ARHGAP28: variants seen among roughly 807,000 people sequenced by gnomAD.
ARHGAP28 encodes Rho GTPase activating protein 28.
Under a neutral mutation model 90.7 loss-of-function variants are expected in ARHGAP28, and 56 were observed. The observed-to-expected ratio is 0.62, with a 90% CI of 0.50 to 0.77. The LOEUF is 0.77. Among genes scored for constraint, ARHGAP28 ranks in the 30% least tolerant of loss-of-function variants. The probability of loss-of-function intolerance (pLI) is 0.00; values close to 1 mark genes in which losing one functional copy is unlikely to be tolerated. For synonymous variants in ARHGAP28, 308 were observed against 323.3 expected, an observed-to-expected ratio of 0.95 and a Z score of 0.51; for missense variants, 869 against 900.9, an observed-to-expected ratio of 0.96 and a Z score of 0.45.
At chr18:6,894,548 A>C (rs1190901674) in intron 14 of ARHGAP28, among the ~76,000 whole-genome samples, 1 of 152,224 alleles carries the variant, frequency 6.6e-6, no homozygotes, top group East Asian at 1.9e-4. Context: ...GACACACAAT[A>C]AGTTATTTCA....
At chr18:6,892,868 C>T (rs1434871421) in intron 14 of ARHGAP28, among the ~76,000 whole-genome samples, 8 of 152,226 alleles carry the variant, frequency 5.3e-5, no homozygotes, top group Non-Finnish European at 1.2e-4. Context: ...ACCTTTAGCA[C>T]TCAGCCAAGC....
rs561889141 is a variant in ARHGAP28, at chr18:6,888,616, C to T, written c.1537-1272C>T. 3.9e-5 allele frequency among the ~76,000 whole-genome samples: 6 copies of T among 152,110 alleles called. No individual in the cohort carries two copies. The South Asian group carries it at 6.2e-4, about 16-fold the overall frequency. On this transcript the variant is annotated intron_variant, in intron 12 of 17. Transcript: ENST00000383472. ...CTGAAAATTTATTAGCTTGTTTTTT[C>T]GCTTTGTCTACAGAGTGTTCTTTTA...
At chr18:6,840,641 A>C (rs893423252) in intron 3 of ARHGAP28, among the ~76,000 whole-genome samples, 5 of 152,192 alleles carry the variant, frequency 3.3e-5, no homozygotes, top group African/African-American at 1.2e-4. Flanking sequence ...GGAATGGCCC[A>C]GGGTTCTTCC....
At chr18:6,899,782 C>T (rs567182240) in intron 16 of ARHGAP28, among the ~76,000 whole-genome samples, 13 of 152,044 alleles carry the variant, frequency 8.6e-5, no homozygotes, top group Non-Finnish European at 1.9e-4. Flanking sequence ...GGAGCTGAGC[C>T]TCTTCCCCCA....
Position 6,763,452 on chromosome 18 carries a change from G to A in ARHGAP28, c.122+33509G>A, listed in dbSNP as rs570841105. On this transcript the variant is annotated intron_variant, in intron 1 of 17. Coordinates refer to ENST00000383472, the MANE Select transcript of ARHGAP28 (RefSeq NM_001366230.1). ...GGGGAAAAGAGGAGTTGCCAGACATGTACAGATGACCCAATCTTTTTCCTC... is the reference window on the plus strand; with the variant it reads ...GGGGAAAAGAGGAGTTGCCAGACATATACAGATGACCCAATCTTTTTCCTC... Among the ~76,000 whole-genome samples the A allele has an allele frequency of 2.6e-5, 4 of 152,294 alleles. No homozygotes were observed. In the East Asian group the frequency reaches 7.7e-4, roughly 29 times the overall value.
chr18:6,824,622 C>G, intron 1 of ARHGAP28, 140 bp from the exon 2 acceptor site: 1 of 711,470 alleles, frequency 1.4e-6, no homozygotes, highest in East Asian at 2.9e-5. Context: ...ATTATTCCCT[C>G]AAACCTATCT....
intron 16 of ARHGAP28, among the ~76,000 whole-genome samples, chr18:6,901,516 T>C (rs2057338144): frequency 6.9e-6 from 1 of 145,666 alleles, no homozygotes; most frequent in South Asian, 2.2e-4. Context: ...ATGTTGATAG[T>C]ATCAAGGTAC....
At chr18:6,742,014 T>C (rs764832811) in intron 1 of ARHGAP28, among the ~76,000 whole-genome samples, 5 of 152,130 alleles carry the variant, frequency 3.3e-5, no homozygotes, top group Non-Finnish European at 7.4e-5. Context: ...GTAAAGCTGA[T>C]GAAGTCCTCA....
In ARHGAP28 at chr18:6,783,368, C is replaced by A. The variant is rs147778063; in HGVS notation, c.123-41394C>A. ...CAAGGCTGGAGTGCAATGGCGCGAT[C>A]TCAGCTCACTGCAACCTCTGCCTCC... On this transcript the variant is annotated intron_variant, in intron 1 of 17. Transcript: ENST00000383472. Among the ~76,000 whole-genome samples the A allele has an allele frequency of 2.6e-5, 4 of 151,146 alleles. No individual in the cohort carries two copies. In the South Asian group the frequency reaches 8.3e-4, roughly 32 times the overall value.
At chr18:6,901,124 C>A (rs1011502166) in intron 16 of ARHGAP28, among the ~76,000 whole-genome samples, 2 of 152,002 alleles carry the variant, frequency 1.3e-5, no homozygotes, top group African/African-American at 2.4e-5. Context: ...GAAACTGACC[C>A]ATAAAGGATG....
At chr18:6,844,683 G>GA in intron 3 of ARHGAP28, among the ~76,000 whole-genome samples, 1 of 152,170 alleles carries the variant, frequency 6.6e-6, no homozygotes, top group Non-Finnish European at 1.5e-5. Flanking sequence ...TCTGGATAAA[G>GA]AGGAGGTATT....
intron 12 of ARHGAP28, among the ~76,000 whole-genome samples, chr18:6,888,873 G>A (rs1328942935): frequency 2.0e-5 from 3 of 152,162 alleles, no homozygotes; most frequent in Non-Finnish European, 2.9e-5. Context: ...TGCAGCTGGT[G>A]TGGGTTAGAG....
Position 6,864,906 on chromosome 18 carries a change from AT to A in ARHGAP28, c.727-3238del, listed in dbSNP as rs1475382635. Among the ~76,000 whole-genome samples, 4 of 151,994 alleles carry A rather than the reference AT, an allele frequency of 2.6e-5. No individual in the cohort carries two copies. The East Asian group carries it at 5.8e-4, about 22-fold the overall frequency. On this transcript the variant is annotated intron_variant, in intron 5 of 17. Coordinates refer to ENST00000383472, the MANE Select transcript of ARHGAP28 (RefSeq NM_001366230.1). ...TGCTATATTGCCCAGGCAGAACTTT[AT>A]TTTTTAGAGCAGTTTCAGGTTCGCA...
At chr18:6,819,502 CAAAGGTCATACCTGTCT>C (rs1452084567) in intron 1 of ARHGAP28, among the ~76,000 whole-genome samples, 2 of 152,118 alleles carry the variant, frequency 1.3e-5, no homozygotes, top group Non-Finnish European at 2.9e-5. Context: ...AGTTCTGGGC[CAAAGGTCATACCTGTCT>C]AGGTGGAGGG....
At chr18:6,879,024 C>T (rs915273559) in intron 10 of ARHGAP28, among the ~76,000 whole-genome samples, 22 of 152,122 alleles carry the variant, frequency 1.4e-4, no homozygotes, top group African/African-American at 5.3e-4. Context: ...TCTGGCCTGG[C>T]TTTGTGCTTT....
intron 12 of ARHGAP28, 134 bp from the exon 13 acceptor site, chr18:6,889,754 A>G (rs1030939025): frequency 3.9e-6 from 3 of 770,022 alleles, no homozygotes; most frequent in Non-Finnish European, 6.4e-6. Flanking sequence ...TAGAGGGGAA[A>G]CATGGTACGT....
intron 1 of ARHGAP28, among the ~76,000 whole-genome samples, chr18:6,783,649 A>G (rs894722649): frequency 6.6e-6 from 1 of 152,154 alleles, no homozygotes; most frequent in Non-Finnish European, 1.5e-5. Flanking sequence ...TGAATTAATC[A>G]GAAGTTCACT....
chr18:6,738,461 A>G (rs1227729660), intron 1 of ARHGAP28, among the ~76,000 whole-genome samples: 2 of 152,192 alleles, frequency 1.3e-5, no homozygotes, highest in Non-Finnish European at 2.9e-5. Context: ...ATGAAAATCA[A>G]TTTAGAAAAC....
chr18:6,738,172 G>C (rs1213031858), intron 1 of ARHGAP28, among the ~76,000 whole-genome samples: 1 of 152,094 alleles, frequency 6.6e-6, no homozygotes, highest in African/African-American at 2.4e-5. Context: ...TCAAACACTT[G>C]AGATTTATTT....
Sources: gnomAD v4.1 joint callset for allele counts (sites outside exome capture counted in the v4.1 genomes callset) on GRCh38, gnomAD v4.1.1 for gene constraint, MANE v1.5 for transcripts, NCBI Gene and HGNC (gene_info 2026-07-23, HGNC 2026-07-21) for gene names.